LAMA1: variants seen among roughly 807,000 people sequenced by gnomAD.
The protein encoded by LAMA1 is laminin subunit alpha 1.
LAMA1 carries 219 observed loss-of-function variants against 348.7 expected under a neutral mutation model. The ratio of observed to expected loss-of-function variants is 0.63; its 90% CI spans 0.56 to 0.70. The LOEUF is 0.70. LAMA1 is among the 30% of genes least tolerant of loss of function. LAMA1 has a pLI of 0.00. For missense variants in LAMA1, 3,744 were observed against 3,888.0 expected (o/e 0.96, Z 0.99); for synonymous variants, 1,487 against 1,491.0 (o/e 1.00, Z 0.06).
intron 1 of LAMA1, among the ~76,000 whole-genome samples, chr18:7,109,007 A>C (rs2058325385): frequency 6.6e-6 from 1 of 152,222 alleles, no homozygotes; most frequent in South Asian, 2.1e-4. Context: ...AGAAACCCAA[A>C]GGGTCTGCTT....
chr18:7,056,845 G>A (rs1377545638), intron 3 of LAMA1, among the ~76,000 whole-genome samples: 2 of 151,836 alleles, frequency 1.3e-5, no homozygotes, highest in Admixed American at 6.6e-5. Flanking sequence ...CCAATACCAC[G>A]TGCTTCATTA....
intron 30 of LAMA1, 62 bp downstream of exon 30, chr18:7,002,202 G>A (rs2057810609): frequency 3.1e-6 from 5 of 1,596,912 alleles, no homozygotes; most frequent in South Asian, 1.1e-5. Context: ...CCTTGAAAAT[G>A]AGGCTGAACT....
intron 19 of LAMA1, 23 bp downstream of exon 19, chr18:7,023,141 T>C: frequency 6.2e-7 from 1 of 1,605,236 alleles, no homozygotes; most frequent in Non-Finnish European, 8.5e-7. Context: ...ACAGCTGACC[T>C]GACTTCACGC....
At chr18:7,104,113 G>A (rs1394714537) in intron 1 of LAMA1, among the ~76,000 whole-genome samples, 1 of 151,896 alleles carries the variant, frequency 6.6e-6, no homozygotes, top group Non-Finnish European at 1.5e-5. Context: ...TGAGTAGCTG[G>A]GATTACAGGC....
Position 6,949,084 on chromosome 18 carries a change from T to G in LAMA1, c.8556+17A>C. ...ACACAACGAAGGTAAAATGTCAGTA[T>G]GGAAAATGCTGCTTACATTTCCAAT... On this transcript the variant is annotated intron_variant, in intron 59 of 62. Transcript: ENST00000389658. The G allele has an allele frequency of 1.9e-6, 3 of 1,614,154 alleles. No individual in the cohort carries two copies. Among genetic ancestry groups the G allele is most frequent in the Non-Finnish European group, 2.5e-6 (3 of 1,180,034 alleles).
chr18:6,957,704 A>G (rs1345165319), intron 55 of LAMA1, among the ~76,000 whole-genome samples: 2 of 152,148 alleles, frequency 1.3e-5, no homozygotes, highest in African/African-American at 4.8e-5. Context: ...AGGGTGAGCA[A>G]GGAGGAATGA....
chr18:7,049,542 C>A (rs59007095), intron 4 of LAMA1, among the ~76,000 whole-genome samples: 2 of 152,136 alleles, frequency 1.3e-5, no homozygotes, highest in East Asian at 1.9e-4. Context: ...TCAGGTGATC[C>A]GCCTGCCTTG....
intron 29 of LAMA1, among the ~76,000 whole-genome samples, chr18:7,003,591 A>G (rs1176988810): frequency 6.6e-6 from 1 of 152,162 alleles, no homozygotes; most frequent in East Asian, 1.9e-4. Context: ...TAAAAGAACA[A>G]GCAGTTCTTG....
intron 1 of LAMA1, among the ~76,000 whole-genome samples, chr18:7,097,891 G>A (rs867909756): frequency 4.7e-5 from 7 of 149,522 alleles, no homozygotes; most frequent in Non-Finnish European, 7.4e-5. Flanking sequence ...CTCTTTCCAC[G>A]GTCTCCCTCT....
chr18:7,016,496 C>T lies in LAMA1; in HGVS notation c.2984G>A (p.Cys995Tyr), dbSNP rs778833360. Reference protein sequence around the residue: ...HGFYAYQDGSCTPCDCPHTQN... With the variant: ...HGFYAYQDGSYTPCDCPHTQN... ...ACAAGGAAATCAAGGCTTACGTGTA[C>T]AGCTACCATCCTGGTAGGCGTAGAA... Residue 995 changes from cysteine to tyrosine, a missense_variant, in exon 21 of 63, where the codon TGT becomes TAT. Transcript: ENST00000389658. 53 of 1,614,194 alleles carry T rather than the reference C, an allele frequency of 3.3e-5. No homozygotes were observed. Among genetic ancestry groups the T allele is most frequent in the Non-Finnish European group, 4.4e-5 (52 of 1,180,034 alleles).
At chr18:7,045,610 G>A (rs1259616321) in intron 6 of LAMA1, among the ~76,000 whole-genome samples, 1 of 152,032 alleles carries the variant, frequency 6.6e-6, no homozygotes, top group Non-Finnish European at 1.5e-5. Flanking sequence ...CCAGGCTGGA[G>A]TGCAGCAGCA....
intron 3 of LAMA1, among the ~76,000 whole-genome samples, chr18:7,063,891 GT>G (rs1472919478): frequency 1.3e-5 from 2 of 152,196 alleles, no homozygotes; most frequent in African/African-American, 4.8e-5. Context: ...GGGGTACAGA[GT>G]TTCTGTTTGG....
In LAMA1 at chr18:7,069,810, C is replaced by T. The variant is rs536174366; in HGVS notation, c.345+10165G>A. Among the ~76,000 whole-genome samples the T allele has an allele frequency of 4.5e-3, 681 of 152,124 alleles. 10 individuals carry two copies. Among genetic ancestry groups the T allele is most frequent in the African/African-American group, 0.016 (657 of 41,484 alleles). On this transcript the variant is annotated intron_variant, in intron 3 of 62. Transcript: ENST00000389658. ...CCCAGCTGCCCCAAACCCCCTCCTCCAGCTGCCCCAGAGAACCTCTCCCCT... is the reference window on the plus strand; with the variant it reads ...CCCAGCTGCCCCAAACCCCCTCCTCTAGCTGCCCCAGAGAACCTCTCCCCT...
intron 3 of LAMA1, chr18:7,076,803 CTT>C (rs1358941763): frequency 1.3e-5 from 2 of 152,116 alleles, no homozygotes; most frequent in Non-Finnish European, 2.9e-5. Context: ...GAACAAACGT[CTT>C]TATTTTTTGA....
chr18:7,055,727 C>T, intron 3 of LAMA1, among the ~76,000 whole-genome samples: 1 of 152,106 alleles, frequency 6.6e-6, no homozygotes, highest in East Asian at 1.9e-4. Context: ...GATGTTTTGG[C>T]TATCTCTGAG....
chr18:7,041,219 C>T (rs1350164435), intron 9 of LAMA1, among the ~76,000 whole-genome samples: 1 of 151,834 alleles, frequency 6.6e-6, no homozygotes, highest in East Asian at 1.9e-4. Flanking sequence ...CTTTTAATGT[C>T]AGTTTTGAAA....
intron 11 of LAMA1, among the ~76,000 whole-genome samples, chr18:7,038,360 T>TG (rs2058004808): frequency 6.6e-6 from 1 of 152,084 alleles, no homozygotes; most frequent in African/African-American, 2.4e-5. Flanking sequence ...GGAAACAACT[T>TG]GGCCTGCATT....
chr18:6,986,481 C>A, intron 36 of LAMA1, 134 bp from the exon 37 acceptor site: 1 of 760,278 alleles, frequency 1.3e-6, no homozygotes. Flanking sequence ...ATCATAACTT[C>A]TTAAGAATGG....
intron 7 of LAMA1, 22 bp from the exon 8 acceptor site, chr18:7,043,427 C>G: frequency 6.3e-7 from 1 of 1,599,756 alleles, no homozygotes; most frequent in Non-Finnish European, 8.5e-7. Context: ...TTTTTAACAT[C>G]TCAATTAATT....
Sources: allele counts gnomAD v4.1 joint callset (sites outside exome capture counted in the v4.1 genomes callset), GRCh38; gene constraint gnomAD v4.1.1; transcripts MANE v1.5; gene names NCBI Gene and HGNC (gene_info 2026-07-23, HGNC 2026-07-21).